GKN1: variants seen among roughly 807,000 people sequenced by gnomAD.
The protein encoded by GKN1 is gastrokine 1, also known as gastrokine-1.
A neutral mutation model predicts 19.7 loss-of-function variants in GKN1; 17 were observed. That is an observed-to-expected ratio of 0.86 (90% confidence interval 0.59 to 1.29). The LOEUF is 1.29. Ranked by LOEUF, GKN1 falls within the 50% of genes most tolerant of loss-of-function variation. The probability of loss-of-function intolerance (pLI) is 0.00; values close to 1 mark genes in which losing one functional copy is unlikely to be tolerated. For missense variants in GKN1, 218 were observed against 224.5 expected, an observed-to-expected ratio of 0.97 and a Z score of 0.19; for synonymous variants, 96 against 78.3, an observed-to-expected ratio of 1.23 and a Z score of -1.20.
At chr2:68,975,277 TG>T (rs1320032197) in intron 1 of GKN1, among the ~76,000 whole-genome samples, 1 of 152,162 alleles carries the variant, frequency 6.6e-6, no homozygotes, top group Non-Finnish European at 1.5e-5. Context: ...TCAAAATAAG[TG>T]GCTGAGATAG....
chr2:68,979,845 A>C, intron 4 of GKN1, 68 bp from the exon 5 acceptor site: 1 of 1,408,066 alleles, frequency 7.1e-7, no homozygotes, highest in Non-Finnish European at 1.0e-6. Context: ...CCCTCAAGTC[A>C]ACAAACCACT....
chr2:68,978,038 C>T (rs886707291), intron 3 of GKN1: 1 of 432,850 alleles, frequency 2.3e-6, no homozygotes, highest in East Asian at 4.2e-5. Context: ...CAAATATGAA[C>T]ATCCTTTTGC....
At chr2:68,975,939 A>G (rs1670257193) in intron 1 of GKN1, among the ~76,000 whole-genome samples, 1 of 152,174 alleles carries the variant, frequency 6.6e-6, no homozygotes, top group Admixed American at 6.5e-5. Context: ...TCCCAGGCAA[A>G]GGAAATGAGA....
At position 68,979,919 on chromosome 2, in the gene GKN1, G is replaced by C; in HGVS notation, c.322G>C (p.Gly108Arg). The C allele has an allele frequency of 6.2e-7, 1 of 1,613,364 alleles. No individual in the cohort carries two copies. The highest frequency in any genetic ancestry group is 1.6e-4 in the Middle Eastern group (1 of 6,062). ...CTCTCTTTTCCACACTCAGCTTCAG[G>C]GTAAGGGACCAGGAGGACCACCTCC... ...DALVKEKKLQ[G>R]KGPGGPPPKG... Residue 108 changes from glycine (G) to arginine (R), a missense_variant, in exon 5 of 6, where the codon GGT (glycine) becomes CGT (arginine). Transcript: ENST00000377938.
chr2:68,977,396 T>G, intron 1 of GKN1, 99 bp from the exon 2 acceptor site: 1 of 851,642 alleles, frequency 1.2e-6, no homozygotes, highest in Non-Finnish European at 2.0e-6. Context: ...CTGAACACAT[T>G]GGTAAAATTA....
chr2:68,980,720 C>G lies in GKN1; in HGVS notation c.464-9C>G. The G allele has an allele frequency of 7.0e-7, 1 of 1,436,374 alleles. No individual in the cohort carries two copies. 89.0% of individuals were successfully genotyped at this position (1,436,374 alleles called of 1,614,324 possible). ...CATTAATATAGGCTTCTTCTTTTCT[C>G]TTTATTAGAGGCAAGCCTGTTTTTT... On this transcript the variant is annotated splice_polypyrimidine_tract_variant and intron_variant, in intron 5 of 5. Coordinates refer to ENST00000377938, the MANE Select transcript of GKN1 (RefSeq NM_019617.4).
At chr2:68,977,934 T>C in intron 3 of GKN1, 160 bp downstream of exon 3, 2 of 624,692 alleles carry the variant, frequency 3.2e-6, no homozygotes, top group Non-Finnish European at 5.6e-6. Flanking sequence ...TCCGATTTTG[T>C]TCCCTAGAGA....
In GKN1 at chr2:68,979,931, G is replaced by A. The variant is rs1273516147; in HGVS notation, c.334G>A (p.Gly112Arg). ...CACTCAGCTTCAGGGTAAGGGACCA[G>A]GAGGACCACCTCCCAAGGGCCTGAT... ...KEKKLQGKGPGGPPPKGLMYS... is the reference protein window; with the variant it reads ...KEKKLQGKGPRGPPPKGLMYS... The change falls in exon 5 of 6, where the codon GGA (glycine) becomes AGA (arginine). Residue 112 changes from glycine to arginine, a missense_variant. Transcript: ENST00000377938. The A allele has an allele frequency of 2.5e-6, 4 of 1,613,654 alleles. No individual in the cohort carries two copies. The South Asian group carries it at 4.4e-5, about 18-fold the overall frequency.
rs139646605 is a variant in GKN1 at position 68,976,346 on chromosome 2, A to G, written c.13-1149A>G. On this transcript the variant is annotated intron_variant, in intron 1 of 5. Coordinates refer to ENST00000377938, the MANE Select transcript of GKN1 (RefSeq NM_019617.4). ...CAAGGAAAATAAGATAGTTTGCTTTATTTTAAAACAGTAACTTTCTTATAT... is the reference window on the plus strand; with the variant it reads ...CAAGGAAAATAAGATAGTTTGCTTTGTTTTAAAACAGTAACTTTCTTATAT... 1.4e-3 allele frequency among the ~76,000 whole-genome samples: 210 copies of G among 152,170 alleles called. 1 individual carries two copies. Among genetic ancestry groups the G allele is most frequent in the African/African-American group, 4.9e-3 (204 of 41,524 alleles).
At chr2:68,976,533 C>T (rs1670264926) in intron 1 of GKN1, among the ~76,000 whole-genome samples, 1 of 152,122 alleles carries the variant, frequency 6.6e-6, no homozygotes, top group Admixed American at 6.5e-5. Context: ...ACCTGTGTAA[C>T]ATAAGCCACA....
intron 1 of GKN1, among the ~76,000 whole-genome samples, chr2:68,976,947 A>G (rs1254731933): frequency 6.6e-6 from 1 of 152,210 alleles, no homozygotes; most frequent in Non-Finnish European, 1.5e-5. Flanking sequence ...TTCATTTGCC[A>G]AGTATATGTT....
rs1252757267 is a variant in GKN1 at position 68,974,695 on chromosome 2, T to C, written c.12+6T>C. 2 of 1,564,136 alleles carry C rather than the reference T, an allele frequency of 1.3e-6. No individual in the cohort carries two copies. Among genetic ancestry groups the C allele is most frequent in the African/African-American group, 1.4e-5 (1 of 73,908 alleles). ...AAGACAAGATGAAGTTCACAGTGAG[T>C]AGATTTTTCCTTTTGAATTTACCAC... On this transcript the variant is annotated splice_donor_region_variant and intron_variant, in intron 1 of 5. Transcript: ENST00000377938.
chr2:68,976,314 T>C (rs79949031), intron 1 of GKN1, among the ~76,000 whole-genome samples: 1 of 152,186 alleles, frequency 6.6e-6, no homozygotes, highest in African/African-American at 2.4e-5. Flanking sequence ...AAACTTCTTT[T>C]TTTTTCCAAG....
At position 68,980,158 on chromosome 2, in the gene GKN1, G is replaced by A. The variant is rs187123475; in HGVS notation, c.463+98G>A. 1.8e-4 allele frequency: 180 copies of A among 1,023,536 alleles called. No homozygotes were observed. The African/African-American group carries it at 2.6e-3, about 15-fold the overall frequency. 63.4% of individuals were successfully genotyped at this position (1,023,536 alleles called of 1,614,324 possible). A position where few individuals can be genotyped will look rare whatever the true frequency, so the allele number is the denominator to read the frequency against. On this transcript the variant is annotated intron_variant, in intron 5 of 5. Coordinates refer to ENST00000377938, the MANE Select transcript of GKN1 (RefSeq NM_019617.4). ...TAGTGGGCACCAGTGATGCAGGGAT[G>A]GTCATCAAGGCCAACATTTGTGCAG...
At chr2:68,976,248 A>G (rs1479737523) in intron 1 of GKN1, among the ~76,000 whole-genome samples, 1 of 152,204 alleles carries the variant, frequency 6.6e-6, no homozygotes, top group Non-Finnish European at 1.5e-5. Flanking sequence ...TGTGATTTTT[A>G]GCACTTATAG....
rs754641714 is a variant in GKN1 at position 68,977,648 on chromosome 2, CAAT to C, written c.79_81del (p.Asn27del). The stretch of plus-strand genomic sequence containing the variant: ...CTTATAAACTTCAGAATATCAACGT[CAAT>C]GATGACAACAACAATGCTGGAAGTG... On this transcript the variant is annotated inframe_deletion, in exon 3 of 6. Transcript: ENST00000377938. 1.3e-5 allele frequency: 21 copies of C among 1,610,598 alleles called. No individual in the cohort carries two copies. Among genetic ancestry groups the C allele is most frequent in the African/African-American group, 5.3e-5 (4 of 74,822 alleles).
chr2:68,977,063 TA>T (rs1386600527), intron 1 of GKN1, among the ~76,000 whole-genome samples: 3 of 152,192 alleles, frequency 2.0e-5, no homozygotes, highest in African/African-American at 4.8e-5. Flanking sequence ...TACCACTTAT[TA>T]AACTGAAGAG....
In GKN1 at chr2:68,977,774, T is replaced by A. The variant is rs778221949; in HGVS notation, c.204T>A (p.Asn68Lys). The A allele has an allele frequency of 6.2e-7, 1 of 1,606,690 alleles. No individual in the cohort carries two copies. Among genetic ancestry groups the A allele is most frequent in the Non-Finnish European group, 8.5e-7 (1 of 1,173,938 alleles). Residue 68 changes from asparagine (N) to lysine (K), a missense_variant and splice_region_variant, in exon 3 of 6, where the codon AAT (asparagine) becomes AAA (lysine). Asn to Lys is a moderately conservative substitution (Grantham distance 94). Transcript: ENST00000377938. The part of the protein sequence containing the change: ...DSWNSIWDYG[N>K]GFAATRLFQK... ...GGAATTCCATCTGGGATTATGGAAA[T>A]GTAGGTAGTCAACGTGCAATTTTCA...
rs35624281 is a variant in GKN1 at position 68,977,497 on chromosome 2, T to G, written c.15T>G (p.Ile5Met). MKFTIVFAGLLGVFL... is the reference protein window; with the variant it reads MKFTMVFAGLLGVFL... ...ACCAATGTTATTTGTGATTTCAGAT[T>G]GTCTTTGCTGGACTTCTTGGAGTCT... Residue 5 changes from isoleucine (I) to methionine (M), a missense_variant and splice_region_variant, in exon 2 of 6, where the codon ATT becomes ATG. Ile to Met is a conservative substitution (Grantham distance 10, BLOSUM62 1). Coordinates refer to ENST00000377938, the MANE Select transcript of GKN1 (RefSeq NM_019617.4). 1.2e-6 allele frequency: 2 copies of G among 1,602,598 alleles called. No homozygotes were observed. The highest frequency in any genetic ancestry group is 1.7e-5 in the Admixed American group (1 of 59,996).
Sources: allele counts gnomAD v4.1 joint callset (sites outside exome capture counted in the v4.1 genomes callset), GRCh38; gene constraint gnomAD v4.1.1; transcripts MANE v1.5; gene names NCBI Gene and HGNC (gene_info 2026-07-23, HGNC 2026-07-21).